MINDY2: variants seen among roughly 807,000 people sequenced by gnomAD.
MINDY2 encodes MINDY lysine 48 deubiquitinase 2, also known as ubiquitin carboxyl-terminal hydrolase MINDY-2.
Under a neutral mutation model 68.2 loss-of-function variants are expected in MINDY2, and 52 were observed. That is an observed-to-expected ratio of 0.76 (90% CI 0.61 to 0.96). The LOEUF (loss-of-function observed/expected upper bound fraction) is 0.96. Among genes scored for constraint, MINDY2 ranks in the 40% least tolerant of loss-of-function variants. MINDY2 has a pLI of 0.00. For synonymous variants in MINDY2, 372 were observed against 303.0 expected, an observed-to-expected ratio of 1.23 and a Z score of -2.36; for missense variants, 881 against 773.4, an observed-to-expected ratio of 1.14 and a Z score of -1.65.
At chr15:58,810,473 G>A (rs2030158996) in intron 4 of MINDY2, 85 bp downstream of exon 4, 2 of 1,295,080 alleles carry the variant, frequency 1.5e-6, no homozygotes, top group Non-Finnish European at 2.1e-6. Context: ...TATATTTTTT[G>A]TTACTTACTT....
chr15:58,860,640 C>T lies in MINDY2; in HGVS notation c.*6030C>T, dbSNP rs1346199419. The T allele has an allele frequency of 6.6e-6, 1 of 150,434 alleles. No homozygotes were observed. Among genetic ancestry groups the T allele is most frequent in the Non-Finnish European group, 1.5e-5 (1 of 67,784 alleles). 9.3% of individuals were successfully genotyped at this position (150,434 alleles called of 1,614,324 possible). On this transcript the variant is annotated 3_prime_UTR_variant, in exon 9 of 9. Transcript: ENST00000559228. The stretch of plus-strand genomic sequence containing the variant: ...CCATTTAAGTTCTCAAATCAGTGAT[C>T]TGTCAAAATAGGCCTTGTAACTGAA...
intron 1 of MINDY2, among the ~76,000 whole-genome samples, chr15:58,773,773 A>G (rs1900592389): frequency 6.6e-6 from 1 of 152,178 alleles, no homozygotes; most frequent in Non-Finnish European, 1.5e-5. Context: ...TTAGAATAAC[A>G]GGGAAATGGA....
At chr15:58,815,035 A>T (rs1411975666) in intron 4 of MINDY2, among the ~76,000 whole-genome samples, 3 of 152,142 alleles carry the variant, frequency 2.0e-5, no homozygotes, top group Non-Finnish European at 2.9e-5. Flanking sequence ...AAAATCAAGA[A>T]GATTTAGTTC....
intron 6 of MINDY2, among the ~76,000 whole-genome samples, chr15:58,844,284 A>G (rs1016327438): frequency 1.2e-4 from 19 of 152,116 alleles, no homozygotes; most frequent in Non-Finnish European, 1.8e-4. Flanking sequence ...ACGGTGGCTC[A>G]CGCCTGTAAT....
At chr15:58,790,873 T>C (rs749643001) in intron 2 of MINDY2, among the ~76,000 whole-genome samples, 1 of 152,036 alleles carries the variant, frequency 6.6e-6, no homozygotes, top group East Asian at 1.9e-4. Flanking sequence ...TTTAGATGTT[T>C]ATTTACATCA....
intron 4 of MINDY2, among the ~76,000 whole-genome samples, chr15:58,812,400 G>C (rs2030344249): frequency 6.7e-6 from 1 of 149,050 alleles, no homozygotes; most frequent in African/African-American, 2.5e-5. Flanking sequence ...TGGTGCCACT[G>C]CATTCTAGCC....
intron 5 of MINDY2, among the ~76,000 whole-genome samples, chr15:58,826,550 A>G (rs2031410664): frequency 6.6e-6 from 1 of 151,994 alleles, no homozygotes; most frequent in Admixed American, 6.6e-5. Context: ...TTTTCCCTAA[A>G]TCTTGTGAGA....
intron 1 of MINDY2, among the ~76,000 whole-genome samples, chr15:58,780,111 A>T (rs1286921687): frequency 1.3e-5 from 2 of 152,118 alleles, no homozygotes; most frequent in Non-Finnish European, 2.9e-5. Context: ...TTTTATATAT[A>T]TAGAAAATTG....
intron 2 of MINDY2, among the ~76,000 whole-genome samples, chr15:58,798,386 A>T (rs111795343): frequency 6.6e-6 from 1 of 151,676 alleles, no homozygotes; most frequent in East Asian, 1.9e-4. Flanking sequence ...TACACTCTCA[A>T]AGTGCTGGGA....
chr15:58,796,137 A>C (rs1310057700), intron 2 of MINDY2: 2 of 455,838 alleles, frequency 4.4e-6, no homozygotes, highest in Admixed American at 2.4e-5. Context: ...ACTTTTGAGA[A>C]GTTTGGGTAC....
chr15:58,834,307 C>T (rs2141026519), intron 6 of MINDY2, among the ~76,000 whole-genome samples: 1 of 152,260 alleles, frequency 6.6e-6, no homozygotes, highest in East Asian at 1.9e-4. Context: ...ATATCTCACT[C>T]CTTAATCCCT....
At chr15:58,843,648 A>G (rs2032383525) in intron 6 of MINDY2, among the ~76,000 whole-genome samples, 1 of 152,002 alleles carries the variant, frequency 6.6e-6, no homozygotes, top group South Asian at 2.1e-4. Flanking sequence ...AGCCTGACCA[A>G]CACAGTGAAA....
At chr15:58,830,774 GGACACTT>G (rs753894601) in intron 5 of MINDY2, among the ~76,000 whole-genome samples, 2 of 151,992 alleles carry the variant, frequency 1.3e-5, no homozygotes, top group Non-Finnish European at 2.9e-5. Flanking sequence ...ACCATGAAAG[GGACACTT>G]GTTTACAGTA....
rs759958688 is a variant in MINDY2, at chr15:58,847,415, G to T, written c.1487G>T (p.Arg496Leu). Reference sequence around the variant, plus strand: ...TTCTGTGACTCAGAATTTCATCTTCGACCTCCTTCAGATCCTGAAACTGTA... The same window carrying T: ...TTCTGTGACTCAGAATTTCATCTTCTACCTCCTTCAGATCCTGAAACTGTA... Reference protein sequence around the residue: ...GNFCDSEFHLRPPSDPETVYK... With the variant: ...GNFCDSEFHLLPPSDPETVYK... The change falls in exon 7 of 9, where the codon CGA becomes CTA. Residue 496 changes from arginine to leucine, a missense_variant. Transcript: ENST00000559228. 5 of 1,605,770 alleles carry T rather than the reference G, an allele frequency of 3.1e-6. No homozygotes were observed. Among genetic ancestry groups the T allele is most frequent in the Non-Finnish European group, 4.3e-6 (5 of 1,173,992 alleles).
At chr15:58,853,715 G>A (rs564688588) in intron 8 of MINDY2, among the ~76,000 whole-genome samples, 1 of 151,358 alleles carries the variant, frequency 6.6e-6, no homozygotes, top group East Asian at 2.0e-4. Context: ...AGCTACTCGG[G>A]AGACTTGAGG....
chr15:58,782,504 A>G (rs1304498404), intron 1 of MINDY2, among the ~76,000 whole-genome samples: 1 of 152,180 alleles, frequency 6.6e-6, no homozygotes, highest in Non-Finnish European at 1.5e-5. Context: ...CCAAATTTCC[A>G]TTGTTATCAA....
chr15:58,781,626 G>A (rs1306019029), intron 1 of MINDY2, among the ~76,000 whole-genome samples: 3 of 151,894 alleles, frequency 2.0e-5, no homozygotes, highest in East Asian at 1.9e-4. Flanking sequence ...TGATGGTGGC[G>A]AAGCGCAGTG....
In MINDY2 at chr15:58,857,709, T is replaced by C. The variant is rs1370800892; in HGVS notation, c.*3099T>C. The C allele has an allele frequency of 6.6e-6, 1 of 152,202 alleles. No homozygotes were observed. The highest frequency in any genetic ancestry group is 1.5e-5 in the Non-Finnish European group (1 of 68,036). 9.4% of individuals were successfully genotyped at this position (152,202 alleles called of 1,614,324 possible). On this transcript the variant is annotated 3_prime_UTR_variant, in exon 9 of 9. Transcript: ENST00000559228. ...TTTGTAATACTTGAAAATTCTTAGATGTATACTGCTAACAAAAGTTAGAAC... is the reference window on the plus strand; with the variant it reads ...TTTGTAATACTTGAAAATTCTTAGACGTATACTGCTAACAAAAGTTAGAAC...
intron 2 of MINDY2, among the ~76,000 whole-genome samples, chr15:58,794,542 C>T (rs891554665): frequency 1.3e-5 from 2 of 151,854 alleles, no homozygotes; most frequent in South Asian, 4.2e-4. Context: ...GGGGATTGGC[C>T]TGAAGGTCAG....
Sources: gnomAD v4.1 joint callset for allele counts (sites outside exome capture counted in the v4.1 genomes callset) on GRCh38, gnomAD v4.1.1 for gene constraint, MANE v1.5 for transcripts, NCBI Gene and HGNC (gene_info 2026-07-23, HGNC 2026-07-21) for gene names.